DDX10: variants seen among roughly 807,000 people sequenced by gnomAD.
DDX10 encodes the protein DEAD-box helicase 10, also known as probable ATP-dependent RNA helicase DDX10.
In DDX10, 74 loss-of-function variants were observed where a neutral mutation model predicts 104.3. The ratio of observed to expected loss-of-function variants is 0.71; its 90% CI spans 0.59 to 0.86. DDX10 has a LOEUF of 0.86. Ranked by LOEUF, DDX10 falls within the 40% of genes least tolerant of loss-of-function variation. The pLI, the probability that DDX10 is intolerant of heterozygous loss-of-function variation, is 0.00. For missense variants in DDX10, 952 were observed against 1,040.0 expected (o/e 0.92, Z 1.16); for synonymous variants, 351 against 353.4 (o/e 0.99, Z 0.08).
At chr11:108,756,661 A>G (rs2094344767) in intron 13 of DDX10, among the ~76,000 whole-genome samples, 1 of 152,018 alleles carries the variant, frequency 6.6e-6, no homozygotes, top group Admixed American at 6.6e-5. Flanking sequence ...AGCTGTGTAT[A>G]ATTTTCCGCA....
At chr11:108,867,719 A>C (rs1863025072) in intron 16 of DDX10, among the ~76,000 whole-genome samples, 1 of 152,198 alleles carries the variant, frequency 6.6e-6, no homozygotes, top group Non-Finnish European at 1.5e-5. Context: ...TAGTCTGTTA[A>C]AGGCCAGTCC....
At chr11:108,887,124 GA>G (rs1863307515) in intron 16 of DDX10, among the ~76,000 whole-genome samples, 1 of 152,072 alleles carries the variant, frequency 6.6e-6, no homozygotes, top group Admixed American at 6.5e-5. Context: ...CTACAAATTA[GA>G]ATATTTTTAA....
chr11:108,727,724 AG>A (rs2094307068), intron 13 of DDX10: 1 of 159,964 alleles, frequency 6.3e-6, no homozygotes, highest in Admixed American at 6.3e-5. Context: ...TTAACTACTA[AG>A]GTACAATGTC....
chr11:108,755,005 C>T (rs554482235), intron 13 of DDX10, among the ~76,000 whole-genome samples: 1 of 152,026 alleles, frequency 6.6e-6, no homozygotes, highest in African/African-American at 2.4e-5. Flanking sequence ...ATGTCATGAC[C>T]CCTGACCCTG....
chr11:108,935,364 G>A (rs1325379988), intron 17 of DDX10, among the ~76,000 whole-genome samples: 3 of 152,126 alleles, frequency 2.0e-5, no homozygotes, highest in Admixed American at 1.3e-4. Context: ...ACAGGTTACA[G>A]AGGCAGGCTT....
chr11:108,703,789 T>G (rs1469838556), intron 9 of DDX10, among the ~76,000 whole-genome samples: 2 of 152,232 alleles, frequency 1.3e-5, no homozygotes, highest in African/African-American at 4.8e-5. Context: ...TTTTAAAAAG[T>G]GCTTTTATTC....
chr11:108,780,948 A>C (rs2094377338), intron 13 of DDX10, among the ~76,000 whole-genome samples: 1 of 152,132 alleles, frequency 6.6e-6, no homozygotes, highest in South Asian at 2.1e-4. Flanking sequence ...TTTTAATTTC[A>C]GCTTTTATTT....
intron 16 of DDX10, among the ~76,000 whole-genome samples, chr11:108,859,809 G>A (rs555622385): frequency 4.6e-5 from 7 of 152,298 alleles, no homozygotes; most frequent in African/African-American, 1.4e-4. Context: ...GTGGGTATGT[G>A]TGGATGTGAC....
rs546050965 is a variant in DDX10 at position 108,737,621 on chromosome 11, A to G, written c.1965+14159A>G. On this transcript the variant is annotated intron_variant, in intron 13 of 17. Coordinates refer to ENST00000322536, the MANE Select transcript of DDX10 (RefSeq NM_004398.4). ...TATAAGAAGAAATTTCTTGGCATTA[A>G]TGTGCATGAGATAGATATCACTTAT... Among the ~76,000 whole-genome samples, 122 of 152,302 alleles carry G rather than the reference A, an allele frequency of 8.0e-4. 1 individual carries two copies. The highest frequency in any genetic ancestry group is 6.8e-3 in the Middle Eastern group (2 of 294).
At chr11:108,934,543 G>T (rs1433715387) in intron 17 of DDX10, among the ~76,000 whole-genome samples, 3 of 152,130 alleles carry the variant, frequency 2.0e-5, no homozygotes, top group Non-Finnish European at 4.4e-5. Flanking sequence ...GCCCAAGGAT[G>T]GAACCTGGGG....
chr11:108,729,040 T>C (rs2134482315), intron 13 of DDX10, among the ~76,000 whole-genome samples: 1 of 152,274 alleles, frequency 6.6e-6, no homozygotes, highest in South Asian at 2.1e-4. Flanking sequence ...CTTTCACTAC[T>C]CTCACCAGCA....
chr11:108,677,065 G>T lies in DDX10; in HGVS notation c.379-20G>T. 1 of 1,588,938 alleles carries T rather than the reference G, an allele frequency of 6.3e-7. No homozygotes were observed. The highest frequency in any genetic ancestry group is 1.1e-5 in the South Asian group (1 of 88,906). The stretch of plus-strand genomic sequence containing the variant: ...TGACTTCTGATGACTTACTGAACAT[G>T]AATTTGCTGTCTTTTTGAGGTGCTG... On this transcript the variant is annotated intron_variant, in intron 3 of 17. Coordinates refer to ENST00000322536, the MANE Select transcript of DDX10 (RefSeq NM_004398.4).
chr11:108,829,240 C>T (rs1435006120), intron 13 of DDX10, among the ~76,000 whole-genome samples: 3 of 152,218 alleles, frequency 2.0e-5, no homozygotes, highest in African/African-American at 7.2e-5. Flanking sequence ...GTTCTCTTTT[C>T]ACTGCATCCA....
At chr11:108,669,033 C>A (rs2094213697) in intron 1 of DDX10, among the ~76,000 whole-genome samples, 1 of 151,634 alleles carries the variant, frequency 6.6e-6, no homozygotes, top group South Asian at 2.1e-4. Flanking sequence ...TCAGTCTTAG[C>A]AGATTTCATT....
At chr11:108,706,336 C>T (rs1403279974) in intron 9 of DDX10, among the ~76,000 whole-genome samples, 1 of 151,234 alleles carries the variant, frequency 6.6e-6, no homozygotes. Context: ...TAAATAAAAT[C>T]CCCAGGAAGA....
chr11:108,696,026 A>G (rs2094259364), intron 9 of DDX10, among the ~76,000 whole-genome samples: 2 of 152,228 alleles, frequency 1.3e-5, no homozygotes, highest in African/African-American at 4.8e-5. Flanking sequence ...GATACTGTAC[A>G]TTTAGACAAA....
intron 16 of DDX10, among the ~76,000 whole-genome samples, chr11:108,876,828 C>T (rs1863159308): frequency 6.6e-6 from 1 of 152,048 alleles, no homozygotes; most frequent in South Asian, 2.1e-4. Context: ...ATATCAAAGA[C>T]CAGCATATGG....
At chr11:108,780,343 A>G (rs779448945) in intron 13 of DDX10, among the ~76,000 whole-genome samples, 19 of 152,162 alleles carry the variant, frequency 1.2e-4, no homozygotes, top group Non-Finnish European at 2.6e-4. Context: ...TCCAAAAGAT[A>G]TATAATTATT....
chr11:108,882,361 A>C (rs1863238778), intron 16 of DDX10, among the ~76,000 whole-genome samples: 1 of 152,208 alleles, frequency 6.6e-6, no homozygotes, highest in Non-Finnish European at 1.5e-5. Context: ...CATTCATGTT[A>C]TAATCCTAGA....
Sources: gnomAD v4.1 joint callset for allele counts (sites outside exome capture counted in the v4.1 genomes callset) on GRCh38, gnomAD v4.1.1 for gene constraint, MANE v1.5 for transcripts, NCBI Gene and HGNC (gene_info 2026-07-23, HGNC 2026-07-21) for gene names.